HYDIN: variants seen among roughly 807,000 people sequenced by gnomAD.
The protein encoded by HYDIN is HYDIN axonemal central pair apparatus protein.
A neutral mutation model predicts 403.9 loss-of-function variants in HYDIN; 132 were observed. That is an observed-to-expected ratio of 0.33 (90% CI 0.28 to 0.38). HYDIN has a LOEUF of 0.38. Ranked by LOEUF, HYDIN falls within the 10% of genes least tolerant of loss-of-function variation. The pLI, the probability that HYDIN is intolerant of heterozygous loss-of-function variation, is 1.00. For synonymous variants in HYDIN, 1,202 were observed against 1,891.7 expected (o/e 0.64, Z 9.46); for missense variants, 2,827 against 5,009.5 (o/e 0.56, Z 13.15).
intron 1 of HYDIN, among the ~76,000 whole-genome samples, chr16:71,218,668 C>T (rs4788534): frequency 0.35 from 52,918 of 152,030 alleles, 9,668 homozygotes; most frequent in East Asian, 0.57. Context: ...TGCAATATTT[C>T]ATGATTTGGC....
intron 18 of HYDIN, among the ~76,000 whole-genome samples, chr16:71,047,552 C>T (rs2081493755): frequency 6.6e-6 from 1 of 151,958 alleles, no homozygotes; most frequent in South Asian, 2.1e-4. Context: ...TGGCACTAAA[C>T]GGGTCACTTC....
intron 45 of HYDIN, among the ~76,000 whole-genome samples, chr16:70,921,877 G>C (rs1366223367): frequency 6.6e-6 from 1 of 152,216 alleles, no homozygotes. Flanking sequence ...TCTGAGCATA[G>C]AGAAACCAAC....
At chr16:70,928,578 A>T (rs549273524) in intron 45 of HYDIN, among the ~76,000 whole-genome samples, 303 of 147,038 alleles carry the variant, frequency 2.1e-3, no homozygotes, top group African/African-American at 6.5e-3. Context: ...TGAGGAAAAT[A>T]AGACTCTTTC....
chr16:71,180,205 G>T (rs541388030), intron 3 of HYDIN, among the ~76,000 whole-genome samples: 14 of 151,856 alleles, frequency 9.2e-5, no homozygotes, highest in African/African-American at 3.1e-4. Context: ...TATTACAATA[G>T]AACCCAAATT....
intron 1 of HYDIN, among the ~76,000 whole-genome samples, chr16:71,210,543 A>G (rs2088530689): frequency 6.6e-6 from 1 of 152,192 alleles, no homozygotes; most frequent in African/African-American, 2.4e-5. Flanking sequence ...CAGAAAAAAA[A>G]AAGCTTTCAG....
chr16:71,215,683 A>G (rs530250625), intron 1 of HYDIN, among the ~76,000 whole-genome samples: 1 of 152,216 alleles, frequency 6.6e-6, no homozygotes, highest in Non-Finnish European at 1.5e-5. Flanking sequence ...CATATAAAAA[A>G]TAAAAGGACA....
chr16:71,070,308 C>A (rs1160919679), intron 13 of HYDIN, among the ~76,000 whole-genome samples: 1 of 150,034 alleles, frequency 6.7e-6, no homozygotes, highest in Non-Finnish European at 1.5e-5. Context: ...CTCCTTCCTT[C>A]CTTCCTTTCT....
intron 77 of HYDIN, among the ~76,000 whole-genome samples, chr16:70,836,044 G>T (rs1210615291): frequency 6.6e-6 from 1 of 151,790 alleles, no homozygotes; most frequent in Non-Finnish European, 1.5e-5. Context: ...AGTACAACTG[G>T]GTCAAAATAT....
chr16:71,031,116 C>T (rs1416554780), intron 19 of HYDIN, among the ~76,000 whole-genome samples: 6 of 144,236 alleles, frequency 4.2e-5, no homozygotes, highest in East Asian at 2.1e-4. Context: ...AGGAGAATGG[C>T]GTGAACCCGG....
chr16:70,942,551 A>G (rs865993119), intron 42 of HYDIN, among the ~76,000 whole-genome samples: 6 of 152,278 alleles, frequency 3.9e-5, no homozygotes, highest in Admixed American at 2.0e-4. Flanking sequence ...TTTTGGTAAC[A>G]GTAACCATTG....
intron 18 of HYDIN, among the ~76,000 whole-genome samples, chr16:71,040,616 C>T (rs1189843983): frequency 2.6e-4 from 30 of 115,496 alleles, no homozygotes; most frequent in African/African-American, 6.9e-4. Context: ...GTGTGAATCT[C>T]GGTAGGAGGC....
chr16:70,992,010 T>C lies in HYDIN; in HGVS notation c.3785+60A>G, dbSNP rs562262719. The C allele has an allele frequency of 2.9e-3, 4,744 of 1,608,924 alleles. 22 individuals are homozygous for C. Among genetic ancestry groups the C allele is most frequent in the Non-Finnish European group, 3.7e-3 (4,328 of 1,178,104 alleles). On this transcript the variant is annotated intron_variant, in intron 24 of 85. Coordinates refer to ENST00000393567, the MANE Select transcript of HYDIN (RefSeq NM_001270974.2). ...CAATGAGGGATGAGTATTGAGAATG[T>C]AAGTCCGTGTAAAGAAAAGAAAAGC... is the stretch of plus-strand genomic sequence containing the variant.
At chr16:70,865,216 T>C (rs1420256756) in intron 67 of HYDIN, 1 of 382,512 alleles carries the variant, frequency 2.6e-6, no homozygotes, top group East Asian at 7.4e-5. Context: ...CTCACTTCTT[T>C]CACTCTCACT....
chr16:71,014,473 A>G (rs1015312651), intron 23 of HYDIN, among the ~76,000 whole-genome samples: 4 of 151,578 alleles, frequency 2.6e-5, no homozygotes, highest in African/African-American at 9.7e-5. Flanking sequence ...TTCAGAGATC[A>G]TGATCCACAG....
rs745567287 is a variant in HYDIN, at chr16:70,868,729, T to A, written c.11151A>T (p.Val3717=). The A allele has an allele frequency of 1.2e-6, 2 of 1,614,030 alleles. No individual in the cohort carries two copies. The highest frequency in any genetic ancestry group is 3.3e-5 in the Admixed American group (2 of 60,004). Residue 3717 remains valine (V), a synonymous_variant, in exon 66 of 86, where the codon GTA becomes GTT. Coordinates refer to ENST00000393567, the MANE Select transcript of HYDIN (RefSeq NM_001270974.2). ...KDIVVTMKSD[V]PINLKNMRIR... is the part of the protein sequence containing the mutation. ...TCCGCATATTCTTTAGGTTGATGGG[T>A]ACATCTGACTTCATGGTCACCACTA...
rs2078707858 is a variant in HYDIN at position 70,970,714 on chromosome 16, G to C, written c.5425C>G (p.Gln1809Glu). Residue 1809 changes from glutamine (Q) to glutamate (E), a missense_variant, in exon 36 of 86, where the codon CAA becomes GAA. Physicochemically the swap from Gln to Glu is conservative, Grantham distance 29. Transcript: ENST00000393567. ...TLVFQIAQSAQKLTLLARGQG... is the reference protein window; with the variant it reads ...TLVFQIAQSAEKLTLLARGQG... ...CCACGTGCCAGGAGGGTAAGCTTTT[G>C]AGCACTCTGGGCAATCTGAAACACC... 6.5e-7 allele frequency: 1 copy of C among 1,526,912 alleles called. No homozygotes were observed. Among genetic ancestry groups the C allele is most frequent in the South Asian group, 1.2e-5 (1 of 81,448 alleles). The allele number at this position is 1,526,912 out of a possible 1,614,324, so 94.6% of individuals were successfully genotyped here.
chr16:71,138,952 C>T (rs546959992), intron 7 of HYDIN, among the ~76,000 whole-genome samples: 4 of 152,114 alleles, frequency 2.6e-5, no homozygotes, highest in East Asian at 3.9e-4. Context: ...GGCATGGTGG[C>T]GCATGCCTGT....
rs967863199 is a variant in HYDIN at position 70,806,417 on chromosome 16, A to G, written c.*1163T>C. Reference sequence around the variant, plus strand: ...TGTGGGGAGGTACAGAAGAAGGAGAAGAGTCTCCCTCCATGAAAGCCACCT... The same window carrying G: ...TGTGGGGAGGTACAGAAGAAGGAGAGGAGTCTCCCTCCATGAAAGCCACCT... On this transcript the variant is annotated 3_prime_UTR_variant, in exon 86 of 86. Transcript: ENST00000393567. Among the ~76,000 whole-genome samples the G allele has an allele frequency of 2.6e-5, 4 of 152,166 alleles. No homozygotes were observed. Among genetic ancestry groups the G allele is most frequent in the African/African-American group, 4.8e-5 (2 of 41,432 alleles).
chr16:71,229,808 C>T (rs1275751382), intron 1 of HYDIN, among the ~76,000 whole-genome samples: 1 of 152,194 alleles, frequency 6.6e-6, no homozygotes, highest in African/African-American at 2.4e-5. Context: ...ATTCTACATA[C>T]TTATTGCAGT....
Sources: gnomAD v4.1 joint callset for allele counts (sites outside exome capture counted in the v4.1 genomes callset) on GRCh38, gnomAD v4.1.1 for gene constraint, MANE v1.5 for transcripts, NCBI Gene and HGNC (gene_info 2026-07-23, HGNC 2026-07-21) for gene names.